GABRR1: variants seen among roughly 807,000 people sequenced by gnomAD.
The protein encoded by GABRR1 is gamma-aminobutyric acid receptor subunit rho-1.
A neutral mutation model predicts 55.5 loss-of-function variants in GABRR1; 59 were observed. The ratio of observed to expected loss-of-function variants is 1.06; its 90% CI spans 0.86 to 1.32. GABRR1 has a LOEUF of 1.32. GABRR1 is among the 40% of genes most tolerant of loss of function. The probability of loss-of-function intolerance (pLI) is 0.00; values close to 1 mark genes in which losing one functional copy is unlikely to be tolerated. For synonymous variants in GABRR1, 213 were observed against 226.0 expected, an observed-to-expected ratio of 0.94 and a Z score of 0.51; for missense variants, 602 against 619.1, an observed-to-expected ratio of 0.97 and a Z score of 0.29.
chr6:89,223,921 G>A (rs1410814584), intron 1 of GABRR1, among the ~76,000 whole-genome samples: 1 of 151,544 alleles, frequency 6.6e-6, no homozygotes, highest in East Asian at 1.9e-4. Context: ...ATGCCACCAT[G>A]CCCAGCTTAT....
chr6:89,204,793 A>C, intron 1 of GABRR1: 1 of 412,144 alleles, frequency 2.4e-6, no homozygotes, highest in Non-Finnish European at 3.9e-6. Context: ...CCCATGTAAA[A>C]AAATTTAGAA....
intron 1 of GABRR1, 67 bp from the exon 2 acceptor site, chr6:89,203,552 C>G: frequency 8.8e-7 from 1 of 1,139,486 alleles, no homozygotes; most frequent in Non-Finnish European, 1.3e-6. Context: ...ACCAAGCACC[C>G]CTCTCCCTCC....
upstream of GABRR1, among the ~76,000 whole-genome samples, chr6:89,221,689 C>T (rs372267108): frequency 6.6e-5 from 10 of 152,204 alleles, no homozygotes; most frequent in African/African-American, 2.2e-4. Context: ...TGACTGTACA[C>T]GTGCACCAAT....
At chr6:89,197,496 G>A (rs944529323) in intron 5 of GABRR1, among the ~76,000 whole-genome samples, 7 of 152,196 alleles carry the variant, frequency 4.6e-5, no homozygotes, top group African/African-American at 1.7e-4. Flanking sequence ...TTTTTAAAGT[G>A]TCTGAACTGG....
Position 89,182,008 on chromosome 6 carries a change from G to GAAAT in GABRR1, c.845_846insATTT (p.Phe282LeufsTer123). ...GGAAATAAGTTTGGAGCAAGAAGAAGAAGATGTGGCGACGCAACGTGAAAT... is the reference window on the plus strand; with the variant it reads ...GGAAATAAGTTTGGAGCAAGAAGAAGAAATAAGATGTGGCGACGCAACGTGAAAT... On this transcript the variant is annotated frameshift_variant, in exon 8 of 10. Transcript: ENST00000454853. LOFTEE classifies it high-confidence loss of function. 1 of 1,614,150 alleles carries GAAAT rather than the reference G, an allele frequency of 6.2e-7. No homozygotes were observed. Among genetic ancestry groups the GAAAT allele is most frequent in the Non-Finnish European group, 8.5e-7 (1 of 1,180,032 alleles).
rs777352482 is a variant in GABRR1, at chr6:89,201,211, T to C, written c.228A>G (p.Glu76=). 1 of 1,614,198 alleles carries C rather than the reference T, an allele frequency of 6.2e-7. No individual in the cohort carries two copies. The highest frequency in any genetic ancestry group is 2.2e-5 in the East Asian group (1 of 44,884). ...DITKSPLTKS[E]QLLRIDDHDF... ...CATGGTCATCTATCCTCAGAAGCTG[T>C]TCTGACTTTGTCAGAGGCGATTTGG... Residue 76 remains glutamate (E), a synonymous_variant, in exon 3 of 10, where the codon GAA becomes GAG. Coordinates refer to ENST00000454853, the MANE Select transcript of GABRR1 (RefSeq NM_002042.5).
chr6:89,186,966 T>C (rs1193040340), intron 6 of GABRR1, among the ~76,000 whole-genome samples: 1 of 152,202 alleles, frequency 6.6e-6, no homozygotes, highest in Non-Finnish European at 1.5e-5. Context: ...GATCCACTGC[T>C]ACAAGCCCAG....
intron 4 of GABRR1, among the ~76,000 whole-genome samples, chr6:89,198,606 G>T (rs192158756): frequency 9.5e-4 from 144 of 152,196 alleles, no homozygotes; most frequent in African/African-American, 3.4e-3. Context: ...GAGAGAAGGC[G>T]GTGGATACAT....
chr6:89,180,210 G>A, intron 9 of GABRR1, 82 bp downstream of exon 9: 1 of 1,461,296 alleles, frequency 6.8e-7, no homozygotes, highest in East Asian at 2.3e-5. Flanking sequence ...TTGCTTTACA[G>A]AGAAGGTCTG....
intron 7 of GABRR1, among the ~76,000 whole-genome samples, chr6:89,184,665 G>A (rs1332761330): frequency 1.3e-5 from 2 of 152,190 alleles, no homozygotes; most frequent in African/African-American, 4.8e-5. Context: ...CTGTCAAGGA[G>A]GGGACTCGGA....
intron 1 of GABRR1, among the ~76,000 whole-genome samples, chr6:89,223,768 T>G (rs1381145658): frequency 6.7e-5 from 9 of 134,704 alleles, no homozygotes; most frequent in African/African-American, 2.2e-4. Context: ...GCATTGTGGG[T>G]TTTTTTTTTT....
upstream of GABRR1, among the ~76,000 whole-genome samples, chr6:89,219,441 T>G (rs974673198): frequency 4.1e-4 from 63 of 152,190 alleles, no homozygotes; most frequent in African/African-American, 1.5e-3. Flanking sequence ...CAGCCAAACC[T>G]AAGGAGCCCA....
rs181049128 is a variant in GABRR1 at position 89,192,664 on chromosome 6, G to A, written c.573-2417C>T. ...CAACCTCCACCTCCCTGGTTCAAAC[G>A]ATTCTCCTGCCTCAGCCTCCTGAGT... On this transcript the variant is annotated intron_variant, in intron 5 of 9. Coordinates refer to ENST00000454853, the MANE Select transcript of GABRR1 (RefSeq NM_002042.5). Among the ~76,000 whole-genome samples the A allele has an allele frequency of 3.0e-3, 453 of 150,316 alleles. 6 individuals are homozygous for A. The highest frequency in any genetic ancestry group is 0.011 in the African/African-American group (435 of 40,906).
At chr6:89,199,865 C>A (rs1035315683) in intron 3 of GABRR1, among the ~76,000 whole-genome samples, 2 of 152,194 alleles carry the variant, frequency 1.3e-5, no homozygotes, top group African/African-American at 2.4e-5. Flanking sequence ...ATATTCAGGT[C>A]ATTTGCCAAA....
chr6:89,178,559 T>C lies in GABRR1; in HGVS notation c.*211A>G. 1 of 578,368 alleles carries C rather than the reference T, an allele frequency of 1.7e-6. No individual in the cohort carries two copies. The highest frequency in any genetic ancestry group is 3.1e-6 in the Non-Finnish European group (1 of 325,958). 35.8% of individuals were successfully genotyped at this position (578,368 alleles called of 1,614,324 possible). On this transcript the variant is annotated 3_prime_UTR_variant, in exon 10 of 10. Transcript: ENST00000454853. ...GTCGTATTTCCTGCAGCACCTAATA[T>C]AATGCTGTGTATTCAATAGATGGTT... is the stretch of plus-strand genomic sequence containing the variant.
At chr6:89,180,626 C>T in intron 8 of GABRR1, 138 bp from the exon 9 acceptor site, 1 of 1,020,108 alleles carries the variant, frequency 9.8e-7, no homozygotes, top group Non-Finnish European at 1.4e-6. Context: ...CCAGCAAACA[C>T]CTACACATCT....
intron 4 of GABRR1, 68 bp from the exon 5 acceptor site, chr6:89,198,311 C>G: frequency 8.6e-7 from 1 of 1,157,508 alleles, no homozygotes; most frequent in Non-Finnish European, 1.3e-6. Context: ...GATTCTGTAG[C>G]CCCTGTGGAG....
chr6:89,190,297 G>C, intron 5 of GABRR1, 50 bp from the exon 6 acceptor site: 1 of 1,352,348 alleles, frequency 7.4e-7, no homozygotes, highest in African/African-American at 1.5e-5. Flanking sequence ...CAAAAGACGA[G>C]TGCAAAATGA....
intron 5 of GABRR1, among the ~76,000 whole-genome samples, chr6:89,196,348 C>A (rs1346405568): frequency 2.0e-5 from 3 of 152,084 alleles, no homozygotes; most frequent in Non-Finnish European, 4.4e-5. Context: ...CCCCAGGTAA[C>A]CAATTGTTAA....
Sources: allele counts gnomAD v4.1 joint callset (sites outside exome capture counted in the v4.1 genomes callset), GRCh38; gene constraint gnomAD v4.1.1; transcripts MANE v1.5; gene names NCBI Gene and HGNC (gene_info 2026-07-23, HGNC 2026-07-21).